NF2: variants seen among roughly 807,000 people sequenced by gnomAD.
NF2 encodes merlin.
Under a neutral mutation model 83.7 loss-of-function variants are expected in NF2, and 8 were observed. That is an observed-to-expected ratio of 0.10 (90% confidence interval 0.06 to 0.17). NF2 has a LOEUF of 0.17. NF2 is among the 10% of genes least tolerant of loss of function. The pLI, the probability that NF2 is intolerant of heterozygous loss-of-function variation, is 1.00. For missense variants in NF2, 533 were observed against 744.4 expected, an observed-to-expected ratio of 0.72 and a Z score of 3.31; for synonymous variants, 266 against 269.6, an observed-to-expected ratio of 0.99 and a Z score of 0.13.
chr22:29,612,988 G>A (rs1181636027), intron 1 of NF2, among the ~76,000 whole-genome samples: 4 of 152,038 alleles, frequency 2.6e-5, no homozygotes, highest in Non-Finnish European at 2.9e-5. Flanking sequence ...CCAGGTACTC[G>A]GGAGGCTGAG....
chr22:29,603,731 G>A lies in NF2; in HGVS notation c.-268G>A. 2.2e-6 allele frequency: 1 copy of A among 453,214 alleles called. No individual in the cohort carries two copies. Among genetic ancestry groups the A allele is most frequent in the East Asian group, 3.4e-5 (1 of 29,230 alleles). 28.1% of individuals were successfully genotyped at this position (453,214 alleles called of 1,614,324 possible). On this transcript the variant is annotated 5_prime_UTR_variant, in exon 1 of 16. Transcript: ENST00000338641. ...CCCCGGCATCTCCGGCCCGAATCCC[G>A]GAGTGCCGGGTCGCGCCTGCACCGA...
rs1321396377 is a variant in NF2, at chr22:29,636,200, C to T, written c.115-551C>T. Among the ~76,000 whole-genome samples the T allele has an allele frequency of 1.3e-5, 2 of 152,126 alleles. No individual in the cohort carries two copies. The highest frequency in any genetic ancestry group is 4.8e-5 in the African/African-American group (2 of 41,410). On this transcript the variant is annotated intron_variant, in intron 1 of 15. Transcript: ENST00000338641. The surrounding 1 kb of genome is among the most constrained non-coding windows in gnomAD (Gnocchi z 4.4). ...CCTCAGTTAGGCATCCTTGACAGGA[C>T]AGACCTGTGATTGGACTGTCTGGTC...
At position 29,678,223 on chromosome 22, in the gene NF2, C is replaced by T. The variant is rs1395872275; in HGVS notation, c.1474C>T (p.Pro492Ser). The T allele has an allele frequency of 3.1e-6, 5 of 1,614,128 alleles. No individual in the cohort carries two copies. The highest frequency in any genetic ancestry group is 1.7e-5 in the Admixed American group (1 of 60,030). The change falls in exon 14 of 16, where the codon CCT (proline) becomes TCT (serine). Residue 492 changes from proline to serine, a missense_variant. Transcript: ENST00000338641. ...CATGAACCCAATTCCAGCACCGTTG[C>T]CTCCTGACATACCAAGCTTCAACCT... is the stretch of plus-strand genomic sequence containing the variant. Reference protein sequence around the residue: ...PPMNPIPAPLPPDIPSFNLIG... With the variant: ...PPMNPIPAPLSPDIPSFNLIG...
intron 9 of NF2, among the ~76,000 whole-genome samples, chr22:29,667,793 C>T (rs917432493): frequency 2.6e-5 from 4 of 151,894 alleles, no homozygotes; most frequent in African/African-American, 7.3e-5. Flanking sequence ...ACATTTTTTC[C>T]TTAATCACTT....
Position 29,673,492 on chromosome 22 carries a change from G to T in NF2, c.1340+6G>T, listed in dbSNP as rs914659916. On this transcript the variant is annotated splice_donor_region_variant and intron_variant, in intron 12 of 15. Transcript: ENST00000338641. ...GCTGAGGAGTCAGAGAGGAGGTGAGGGGGCACCGGGCACCAGACTGGCGAG... is the reference window on the plus strand; with the variant it reads ...GCTGAGGAGTCAGAGAGGAGGTGAGTGGGCACCGGGCACCAGACTGGCGAG... 3.1e-6 allele frequency: 5 copies of T among 1,603,230 alleles called. No individual in the cohort carries two copies. Among genetic ancestry groups the T allele is most frequent in the South Asian group, 1.1e-5 (1 of 88,594 alleles).
At chr22:29,658,602 C>A (rs1013239900) in intron 7 of NF2, among the ~76,000 whole-genome samples, 15 of 151,460 alleles carry the variant, frequency 9.9e-5, no homozygotes, top group African/African-American at 2.9e-4. Flanking sequence ...TACTTCTCCC[C>A]CCAACACACA....
At position 29,664,996 on chromosome 22, in the gene NF2, A is replaced by G. The variant is rs1368184325; in HGVS notation, c.817A>G (p.Ile273Val). ...NISYSDKEFT[I>V]KPLDKKIDVF... Reference sequence around the variant, plus strand: ...TTCTGCTTCATTCTTCCAGTTTACTATTAAACCACTGGATAAGAAAATTGA... The same window carrying G: ...TTCTGCTTCATTCTTCCAGTTTACTGTTAAACCACTGGATAAGAAAATTGA... Residue 273 changes from isoleucine (I) to valine (V), a missense_variant, in exon 9 of 16, where the codon ATT becomes GTT. Ile to Val is a conservative substitution (Grantham distance 29). Around this residue, in one of 3 missense-constraint regions of NF2, gnomAD observed 326 missense variants for 475.1 expected, o/e 0.69. Coordinates refer to ENST00000338641, the MANE Select transcript of NF2 (RefSeq NM_000268.4). 2.7e-5 allele frequency: 44 copies of G among 1,611,334 alleles called. No homozygotes were observed. The highest frequency in any genetic ancestry group is 3.7e-5 in the Non-Finnish European group (43 of 1,177,534).
chr22:29,685,298 G>A (rs913820754), intron 15 of NF2, among the ~76,000 whole-genome samples: 1 of 151,604 alleles, frequency 6.6e-6, no homozygotes, highest in African/African-American at 2.4e-5. Flanking sequence ...TATAGAGATG[G>A]GGTTTCGCCA....
intron 13 of NF2, among the ~76,000 whole-genome samples, chr22:29,676,724 G>A (rs1308631614): frequency 6.6e-6 from 1 of 152,126 alleles, no homozygotes; most frequent in Non-Finnish European, 1.5e-5. Flanking sequence ...CACACACGTG[G>A]ATATATTGGT....
intron 1 of NF2, among the ~76,000 whole-genome samples, chr22:29,615,433 C>A (rs990414431): frequency 2.6e-5 from 4 of 151,914 alleles, no homozygotes; most frequent in Non-Finnish European, 5.9e-5. Context: ...ATTAGCCAGG[C>A]GTGGTGGCTT....
At chr22:29,632,282 TGTGC>T (rs1317286304) in intron 1 of NF2, among the ~76,000 whole-genome samples, 1 of 152,184 alleles carries the variant, frequency 6.6e-6, no homozygotes, top group African/African-American at 2.4e-5. Context: ...CCTCTAGACT[TGTGC>T]ATATGCTATT....
intron 3 of NF2, among the ~76,000 whole-genome samples, chr22:29,639,881 CAAAAAAAAA>C (rs763315832): frequency 4.9e-3 from 103 of 21,200 alleles, no homozygotes; most frequent in African/African-American, 0.015. Context: ...GGTTCCGTCT[CAAAAAAAAA>C]AAAAAAAAAA....
intron 14 of NF2, among the ~76,000 whole-genome samples, chr22:29,680,263 T>C (rs1264881110): frequency 6.6e-6 from 1 of 152,066 alleles, no homozygotes. Context: ...AGGCGCATGC[T>C]ATCACGCCCA....
intron 6 of NF2, among the ~76,000 whole-genome samples, chr22:29,657,044 C>T (rs2066333815): frequency 6.6e-6 from 1 of 151,526 alleles, no homozygotes; most frequent in African/African-American, 2.4e-5. Context: ...TTAAGTGCAA[C>T]ATGCATATGG....
chr22:29,654,237 C>A (rs1041033279), intron 4 of NF2, among the ~76,000 whole-genome samples: 1 of 152,174 alleles, frequency 6.6e-6, no homozygotes, highest in Admixed American at 6.5e-5. Context: ...CTGGATCCCC[C>A]TAGTAATGGG....
intron 15 of NF2, among the ~76,000 whole-genome samples, chr22:29,689,335 C>G (rs2067347681): frequency 6.6e-6 from 1 of 152,070 alleles, no homozygotes; most frequent in African/African-American, 2.4e-5. Flanking sequence ...TTTGCTGCTG[C>G]TGGATTCAGC....
intron 1 of NF2, among the ~76,000 whole-genome samples, chr22:29,615,717 AGAGT>A (rs1460829026): frequency 6.6e-6 from 1 of 152,232 alleles, no homozygotes; most frequent in Admixed American, 6.5e-5. Context: ...GCTGGGCGAC[AGAGT>A]GAGACCCAGT....
chr22:29,692,340 A>G (rs2067429404), intron 15 of NF2, among the ~76,000 whole-genome samples: 1 of 152,166 alleles, frequency 6.6e-6, no homozygotes, highest in Non-Finnish European at 1.5e-5. Context: ...CTCTTGCAAG[A>G]TAAGAGGTGG....
intron 7 of NF2, among the ~76,000 whole-genome samples, chr22:29,660,795 C>A (rs907686532): frequency 6.6e-6 from 1 of 152,164 alleles, no homozygotes; most frequent in Non-Finnish European, 1.5e-5. Context: ...TCTTGAACTC[C>A]TGACCTCGTG....
Sources: allele counts gnomAD v4.1 joint callset (sites outside exome capture counted in the v4.1 genomes callset), GRCh38; gene constraint gnomAD v4.1.1; regional missense constraint gnomAD v4.1.1; non-coding constraint Gnocchi (gnomAD v3.1); transcripts MANE v1.5; gene names NCBI Gene and HGNC (gene_info 2026-07-23, HGNC 2026-07-21).